CLASP1: variants seen among roughly 807,000 people sequenced by gnomAD.
The protein encoded by CLASP1 is cytoplasmic linker associated protein 1.
A neutral mutation model predicts 192.3 loss-of-function variants in CLASP1; 38 were observed. The ratio of observed to expected loss-of-function variants is 0.20; its 90% CI spans 0.15 to 0.26. The LOEUF (loss-of-function observed/expected upper bound fraction) is 0.26. Among genes scored for constraint, CLASP1 ranks in the 10% least tolerant of loss-of-function variants. The pLI is 1.00. For synonymous variants in CLASP1, 691 were observed against 712.8 expected (o/e 0.97, Z 0.49); for missense variants, 1,433 against 1,932.5 (o/e 0.74, Z 4.85).
At chr2:121,606,826 G>A (rs10182382) in intron 1 of CLASP1, among the ~76,000 whole-genome samples, 29,186 of 152,176 alleles carry the variant, frequency 0.19, 5,047 homozygotes, top group African/African-American at 0.46. Flanking sequence ...GGGAGGCCAC[G>A]GCAGGCCGAT....
At chr2:121,502,383 C>T (rs906492469) in intron 8 of CLASP1, among the ~76,000 whole-genome samples, 2 of 152,146 alleles carry the variant, frequency 1.3e-5, no homozygotes, top group Non-Finnish European at 2.9e-5. Context: ...GGGCACAGAG[C>T]GTTCCCTCAG....
At chr2:121,569,942 A>G (rs1427977946) in intron 2 of CLASP1, among the ~76,000 whole-genome samples, 1 of 152,214 alleles carries the variant, frequency 6.6e-6, no homozygotes, top group Non-Finnish European at 1.5e-5. Flanking sequence ...AGTGGTTAAG[A>G]GTGCAGACTC....
exon 40 of CLASP1, chr2:121,340,879 A>G: frequency 1.9e-6 from 3 of 1,612,060 alleles, no homozygotes; most frequent in African/African-American, 1.3e-5. Flanking sequence ...GCGTGGAGAC[A>G]TCGGAGGAGG....
At chr2:121,632,826 G>A (rs2069975322) in intron 1 of CLASP1, among the ~76,000 whole-genome samples, 1 of 151,704 alleles carries the variant, frequency 6.6e-6, no homozygotes, top group Non-Finnish European at 1.5e-5. Flanking sequence ...AACCTGGGAG[G>A]TGGAGGTTGC....
intron 8 of CLASP1, among the ~76,000 whole-genome samples, chr2:121,474,215 T>C (rs564090499): frequency 1.3e-5 from 2 of 152,278 alleles, no homozygotes; most frequent in Admixed American, 6.5e-5. Context: ...TTAGGATATA[T>C]GTTGCTGTAC....
At chr2:121,377,472 G>A (rs1211058180) in intron 34 of CLASP1, 27 bp downstream of exon 35, 2 of 1,567,068 alleles carry the variant, frequency 1.3e-6, no homozygotes, top group Middle Eastern at 1.7e-4. Context: ...CTCATACAGA[G>A]TTCTCTTTTA....
At chr2:121,470,267 T>A (rs376278501) in intron 8 of CLASP1, 2 of 504,098 alleles carry the variant, frequency 4.0e-6, no homozygotes, top group African/African-American at 2.0e-5. Flanking sequence ...TATTTTCACA[T>A]TCTGCAACAT....
At chr2:121,457,199 C>A (rs2086845108) in intron 14 of CLASP1, among the ~76,000 whole-genome samples, 1 of 152,192 alleles carries the variant, frequency 6.6e-6, no homozygotes, top group Non-Finnish European at 1.5e-5. Flanking sequence ...AACTAAGTGA[C>A]AGTGAAGATT....
intron 30 of CLASP1, among the ~76,000 whole-genome samples, chr2:121,391,444 TAG>T (rs955486804): frequency 6.6e-6 from 1 of 152,238 alleles, no homozygotes; most frequent in African/African-American, 2.4e-5. Flanking sequence ...TTTGGCTTCT[TAG>T]ATAAAATCAG....
chr2:121,375,082 A>T (rs1262575837), intron 34 of CLASP1, among the ~76,000 whole-genome samples: 1 of 152,086 alleles, frequency 6.6e-6, no homozygotes, highest in Non-Finnish European at 1.5e-5. Flanking sequence ...TGTAATTCCC[A>T]ATGTCGGGGG....
At chr2:121,537,995 A>G (rs765621458) in intron 2 of CLASP1, among the ~76,000 whole-genome samples, 7 of 152,244 alleles carry the variant, frequency 4.6e-5, no homozygotes, top group Non-Finnish European at 8.8e-5. Flanking sequence ...TACAAAAAGC[A>G]TCACACTTAA....
chr2:121,427,549 A>C (rs1328976456), intron 20 of CLASP1, 119 bp from the exon 21 acceptor site: 1 of 977,742 alleles, frequency 1.0e-6, no homozygotes, highest in Admixed American at 2.0e-5. Flanking sequence ...ACATTAGCAA[A>C]ACAGCTATAT....
At chr2:121,375,605 A>C (rs1289525838) in intron 34 of CLASP1, among the ~76,000 whole-genome samples, 1 of 151,814 alleles carries the variant, frequency 6.6e-6, no homozygotes, top group Non-Finnish European at 1.5e-5. Context: ...CTCATGATCC[A>C]CCCGCCTCGG....
At chr2:121,424,554 C>T (rs1040828274) in intron 22 of CLASP1, among the ~76,000 whole-genome samples, 11 of 152,024 alleles carry the variant, frequency 7.2e-5, no homozygotes, top group Non-Finnish European at 1.0e-4. Context: ...GGTATTTAAG[C>T]GGCTGACAGT....
intron 2 of CLASP1, among the ~76,000 whole-genome samples, chr2:121,591,029 A>G (rs1194235362): frequency 2.6e-5 from 4 of 152,058 alleles, no homozygotes; most frequent in East Asian, 1.9e-4. Flanking sequence ...CACCACGCCC[A>G]GCTAATTTTT....
intron 28 of CLASP1, among the ~76,000 whole-genome samples, chr2:121,400,939 A>T (rs1398180012): frequency 6.6e-6 from 1 of 152,240 alleles, no homozygotes; most frequent in Admixed American, 6.5e-5. Context: ...ACAACTGCAT[A>T]GACAATAGAG....
chr2:121,404,903 C>T (rs1400784026), intron 25 of CLASP1, among the ~76,000 whole-genome samples: 3 of 152,126 alleles, frequency 2.0e-5, no homozygotes, highest in African/African-American at 4.8e-5. Flanking sequence ...GTTTAAAAAG[C>T]ATGTCTATCC....
At chr2:121,617,795 A>G (rs7571169) in intron 1 of CLASP1, among the ~76,000 whole-genome samples, 35,011 of 152,010 alleles carry the variant, frequency 0.23, 6,043 homozygotes, top group African/African-American at 0.48. Context: ...GTCCCCTCAC[A>G]CTGCTCACTC....
chr2:121,628,110 C>T (rs555997568), intron 1 of CLASP1, among the ~76,000 whole-genome samples: 166 of 152,202 alleles, frequency 1.1e-3, no homozygotes, highest in African/African-American at 3.9e-3. Flanking sequence ...TAGGACACTG[C>T]TTTTACTAAA....
Sources: allele counts gnomAD v4.1 joint callset (sites outside exome capture counted in the v4.1 genomes callset), GRCh38; gene constraint gnomAD v4.1.1; transcripts MANE v1.5; gene names NCBI Gene and HGNC (gene_info 2026-07-23, HGNC 2026-07-21).